The following RNF157 variants were observed in gnomAD, a reference collection of about 807,000 sequenced individuals.
RNF157 encodes the protein ring finger protein 157.
A neutral mutation model predicts 88.3 loss-of-function variants in RNF157; 55 were observed. The ratio of observed to expected loss-of-function variants is 0.62; its 90% CI spans 0.50 to 0.78. RNF157 has a LOEUF of 0.78. Ranked by LOEUF, RNF157 falls within the 30% of genes least tolerant of loss-of-function variation. RNF157 has a pLI of 0.00. For synonymous variants in RNF157, 334 were observed against 341.2 expected (o/e 0.98, Z 0.23); for missense variants, 788 against 860.8 (o/e 0.92, Z 1.06).
chr17:76,220,778 T>C (rs975103349), intron 1 of RNF157, among the ~76,000 whole-genome samples: 10 of 151,924 alleles, frequency 6.6e-5, no homozygotes, highest in African/African-American at 2.4e-4. Context: ...GCCAACATGG[T>C]GAAACCCTGT....
intron 1 of RNF157, among the ~76,000 whole-genome samples, chr17:76,221,901 CAAAG>C (rs1444882265): frequency 2.0e-5 from 3 of 152,096 alleles, no homozygotes; most frequent in African/African-American, 7.2e-5. Context: ...TATGCTGAGA[CAAAG>C]AAGCCAAACA....
At chr17:76,226,353 C>T (rs1249790225) in intron 1 of RNF157, 20 of 1,598,692 alleles carry the variant, frequency 1.3e-5, no homozygotes, top group Admixed American at 8.4e-5. Flanking sequence ...GCAACCTGGT[C>T]GGGTTTTGTT....
At chr17:76,235,780 G>A (rs1247273349) in intron 1 of RNF157, among the ~76,000 whole-genome samples, 2 of 152,110 alleles carry the variant, frequency 1.3e-5, no homozygotes, top group Non-Finnish European at 2.9e-5. Flanking sequence ...ACCCCGAGGT[G>A]GGAGGACTGC....
At chr17:76,239,876 G>C (rs550909195) in intron 1 of RNF157, among the ~76,000 whole-genome samples, 27 of 152,274 alleles carry the variant, frequency 1.8e-4, no homozygotes, top group African/African-American at 5.5e-4. Context: ...CCCCGTCACG[G>C]GGCCGATTAC....
chr17:76,188,161 G>A (rs1598414624), intron 2 of RNF157, among the ~76,000 whole-genome samples: 1 of 152,236 alleles, frequency 6.6e-6, no homozygotes, highest in East Asian at 1.9e-4. Flanking sequence ...GAAATGCAGT[G>A]GCTAGAACTT....
intron 2 of RNF157, among the ~76,000 whole-genome samples, chr17:76,199,357 A>C (rs879935108): frequency 3.3e-5 from 5 of 152,136 alleles, no homozygotes; most frequent in Non-Finnish European, 7.4e-5. Flanking sequence ...CACAGGCTCA[A>C]GTGATCCTTC....
At chr17:76,149,860 T>C (rs1471966158) in intron 18 of RNF157, among the ~76,000 whole-genome samples, 1 of 151,824 alleles carries the variant, frequency 6.6e-6, no homozygotes, top group East Asian at 1.9e-4. Context: ...ATGGTAAAAC[T>C]CCGTCTCTGC....
At chr17:76,205,149 T>C (rs1349806274) in intron 2 of RNF157, among the ~76,000 whole-genome samples, 8 of 151,236 alleles carry the variant, frequency 5.3e-5, no homozygotes, top group South Asian at 4.2e-4. Context: ...TTCTTTCTTT[T>C]TTTTTTTTTG....
chr17:76,165,951 T>A (rs1336265347), intron 6 of RNF157, among the ~76,000 whole-genome samples: 1 of 151,942 alleles, frequency 6.6e-6, no homozygotes, highest in Non-Finnish European at 1.5e-5. Context: ...GTGCTAGGAT[T>A]ACAGGGATGA....
At chr17:76,186,638 C>T (rs1282084361) in intron 2 of RNF157, among the ~76,000 whole-genome samples, 4 of 152,180 alleles carry the variant, frequency 2.6e-5, no homozygotes, top group South Asian at 4.2e-4. Context: ...GTCTACTAGG[C>T]TAGAAATCTC....
intron 2 of RNF157, among the ~76,000 whole-genome samples, chr17:76,177,822 C>T (rs2069129483): frequency 6.6e-6 from 1 of 152,122 alleles, no homozygotes; most frequent in African/African-American, 2.4e-5. Context: ...TCCATAAGAC[C>T]AGCTGCAGAG....
chr17:76,223,937 G>C (rs2070032883), intron 1 of RNF157, among the ~76,000 whole-genome samples: 1 of 152,166 alleles, frequency 6.6e-6, no homozygotes, highest in African/African-American at 2.4e-5. Context: ...TAATAACACA[G>C]GGCAAGGCCC....
intron 2 of RNF157, among the ~76,000 whole-genome samples, chr17:76,185,716 G>T (rs1188110732): frequency 3.3e-5 from 5 of 151,890 alleles, no homozygotes; most frequent in East Asian, 1.9e-4. Flanking sequence ...TGATCCGCCC[G>T]CCTCGGCCTC....
intron 2 of RNF157, among the ~76,000 whole-genome samples, chr17:76,174,142 G>A (rs1386209848): frequency 6.6e-6 from 1 of 151,968 alleles, no homozygotes; most frequent in Non-Finnish European, 1.5e-5. Context: ...ATCACAAAAG[G>A]CTTTTCCATC....
intron 1 of RNF157, among the ~76,000 whole-genome samples, chr17:76,217,786 T>C (rs1041206802): frequency 6.6e-6 from 1 of 152,228 alleles, no homozygotes; most frequent in South Asian, 2.1e-4. Flanking sequence ...CACTAGTAGA[T>C]AAACTTCGAG....
chr17:76,210,554 T>C (rs559246788), intron 2 of RNF157, among the ~76,000 whole-genome samples: 61 of 115,236 alleles, frequency 5.3e-4, no homozygotes, highest in African/African-American at 1.6e-3. Context: ...CGTGCCACTG[T>C]ACTCCAGCCT....
At chr17:76,155,369 C>A in intron 15 of RNF157, 52 bp from the exon 16 acceptor site, 1 of 1,573,174 alleles carries the variant, frequency 6.4e-7, no homozygotes, top group Non-Finnish European at 8.7e-7. Context: ...CTCGTGACAG[C>A]AAACCCAAAC....
chr17:76,220,655 AT>A (rs557955508), intron 1 of RNF157, among the ~76,000 whole-genome samples: 143 of 147,612 alleles, frequency 9.7e-4, no homozygotes, highest in Middle Eastern at 3.5e-3. Flanking sequence ...CAAATTTATT[AT>A]TTTTTTTTTT....
At chr17:76,231,125 G>C (rs551186305) in intron 1 of RNF157, among the ~76,000 whole-genome samples, 5 of 151,858 alleles carry the variant, frequency 3.3e-5, no homozygotes, top group African/African-American at 1.2e-4. Flanking sequence ...AGCCTCCCAA[G>C]CAGCTGTGAC....
Sources: gnomAD v4.1 joint callset for allele counts (sites outside exome capture counted in the v4.1 genomes callset) on GRCh38, gnomAD v4.1.1 for gene constraint, MANE v1.5 for transcripts, NCBI Gene and HGNC (gene_info 2026-07-23, HGNC 2026-07-21) for gene names.